ZMYM5: variants seen among roughly 807,000 people sequenced by gnomAD.
ZMYM5 encodes the protein zinc finger MYM-type containing 5, also known as zinc finger MYM-type protein 5.
In ZMYM5, 41 loss-of-function variants were observed where a neutral mutation model predicts 61.8. That is an observed-to-expected ratio of 0.66 (90% CI 0.52 to 0.86). The LOEUF (loss-of-function observed/expected upper bound fraction) is 0.86. Among genes scored for constraint, ZMYM5 ranks in the 40% least tolerant of loss-of-function variants. The pLI, the probability that ZMYM5 is intolerant of heterozygous loss-of-function variation, is 0.00. For missense variants in ZMYM5, 706 were observed against 786.7 expected (o/e 0.90, Z 1.23); for synonymous variants, 257 against 276.4 (o/e 0.93, Z 0.70).
At chr13:19,839,427 C>T (rs1813619273) in intron 4 of ZMYM5, among the ~76,000 whole-genome samples, 1 of 151,694 alleles carries the variant, frequency 6.6e-6, no homozygotes, top group African/African-American at 2.4e-5. Context: ...CTCGCTCTTT[C>T]TCCCAGACCG....
intron 4 of ZMYM5, among the ~76,000 whole-genome samples, chr13:19,840,673 C>A (rs1000600697): frequency 1.3e-5 from 2 of 151,590 alleles, no homozygotes; most frequent in African/African-American, 2.4e-5. Flanking sequence ...CACACCTGGC[C>A]ACTTTTTTTT....
At chr13:19,843,008 G>C (rs1187246704) in intron 4 of ZMYM5, among the ~76,000 whole-genome samples, 1 of 148,076 alleles carries the variant, frequency 6.8e-6, no homozygotes, top group Non-Finnish European at 1.5e-5. Context: ...TGGACATGGA[G>C]TTTCGCTATG....
chr13:19,829,317 C>T (rs1440179978), intron 7 of ZMYM5, among the ~76,000 whole-genome samples: 3 of 152,204 alleles, frequency 2.0e-5, no homozygotes, highest in Non-Finnish European at 4.4e-5. Context: ...GAGATAGTCT[C>T]GCTCTGTCAT....
chr13:19,861,890 T>G (rs1268944762), intron 2 of ZMYM5, among the ~76,000 whole-genome samples: 1 of 151,840 alleles, frequency 6.6e-6, no homozygotes, highest in East Asian at 1.9e-4. Flanking sequence ...AACATTAACT[T>G]CCTAACAGAG....
In ZMYM5 at chr13:19,824,409, T is replaced by C. The variant is rs1890805330; in HGVS notation, c.*68A>G. 1 of 1,233,214 alleles carries C rather than the reference T, an allele frequency of 8.1e-7. No individual in the cohort carries two copies. The highest frequency in any genetic ancestry group is 1.0e-6 in the Non-Finnish European group (1 of 964,658). The allele number at this position is 1,233,214 out of a possible 1,614,324, so 76.4% of individuals were successfully genotyped here. On this transcript the variant is annotated 3_prime_UTR_variant, in exon 8 of 8. Coordinates refer to ENST00000337963, the MANE Select transcript of ZMYM5 (RefSeq NM_001142684.2). ...ACTTACAACACAATAGTACTGACTA[T>C]TGCAGGACAGATGTTTTCTGAGTAA...
In ZMYM5 at chr13:19,838,844, G is replaced by C; in HGVS notation, c.728C>G (p.Thr243Ser). The part of the protein sequence containing the change: ...QQQLTKPAKI[T>S]CANCKKPLQK... ...TAAAGGCTTTTTGCAATTTGCACAAGTGATTTTAGCTGGTTTAGTAAGTTG... is the reference window on the plus strand; with the variant it reads ...TAAAGGCTTTTTGCAATTTGCACAACTGATTTTAGCTGGTTTAGTAAGTTG... The change falls in exon 5 of 8, where the codon ACT becomes AGT. Residue 243 changes from threonine (T) to serine (S), a missense_variant. Thr to Ser is a moderately conservative substitution (Grantham distance 58, BLOSUM62 1). Coordinates refer to ENST00000337963, the MANE Select transcript of ZMYM5 (RefSeq NM_001142684.2). The C allele has an allele frequency of 6.2e-7, 1 of 1,614,178 alleles. No homozygotes were observed. Among genetic ancestry groups the C allele is most frequent in the Non-Finnish European group, 8.5e-7 (1 of 1,180,048 alleles).
intron 7 of ZMYM5, among the ~76,000 whole-genome samples, chr13:19,833,698 A>T (rs980918338): frequency 6.6e-6 from 1 of 152,222 alleles, no homozygotes; most frequent in Non-Finnish European, 1.5e-5. Flanking sequence ...TGGTGGGCAA[A>T]GATTCCTTAA....
chr13:19,854,808 A>C (rs1745761540), intron 2 of ZMYM5, among the ~76,000 whole-genome samples: 1 of 152,140 alleles, frequency 6.6e-6, no homozygotes, highest in Non-Finnish European at 1.5e-5. Context: ...GCCAGGAGAT[A>C]AGTAACCTGC....
intron 1 of ZMYM5, 77 bp downstream of exon 1, chr13:19,863,373 C>T (rs1402165053): frequency 1.3e-5 from 2 of 152,182 alleles, no homozygotes; most frequent in Non-Finnish European, 2.9e-5. Context: ...CGACGGCGGC[C>T]GCGCCGCGGG....
chr13:19,832,392 T>A (rs1452294228), intron 7 of ZMYM5, among the ~76,000 whole-genome samples: 3 of 151,906 alleles, frequency 2.0e-5, no homozygotes, highest in African/African-American at 4.8e-5. Flanking sequence ...AGTGGCATGA[T>A]CTCGGCCCAC....
At chr13:19,835,752 G>A (rs1177467792) in intron 6 of ZMYM5, 63 bp from the exon 7 acceptor site, 1 of 1,184,016 alleles carries the variant, frequency 8.4e-7, no homozygotes, top group Non-Finnish European at 1.1e-6. Context: ...AGCAAGCAAT[G>A]AGATAACTAG....
chr13:19,850,120 C>T (rs10219966), intron 4 of ZMYM5, among the ~76,000 whole-genome samples: 14,942 of 152,090 alleles, frequency 0.098, 864 homozygotes, highest in African/African-American at 0.16. Flanking sequence ...CCAACTCTCC[C>T]CCAAACCCCT....
intron 7 of ZMYM5, among the ~76,000 whole-genome samples, chr13:19,826,528 G>T (rs549991574): frequency 1.3e-5 from 2 of 152,008 alleles, no homozygotes; most frequent in South Asian, 4.1e-4. Flanking sequence ...AGGCCGAGGT[G>T]GGGGGATCAC....
intron 2 of ZMYM5, among the ~76,000 whole-genome samples, chr13:19,854,489 G>C (rs182608465): frequency 1.8e-4 from 27 of 152,184 alleles, no homozygotes; most frequent in Non-Finnish European, 7.4e-5. Context: ...GTCAGTCGTG[G>C]TGGCAGGCGC....
intron 2 of ZMYM5, among the ~76,000 whole-genome samples, chr13:19,858,641 T>C (rs1953601244): frequency 6.7e-6 from 1 of 149,292 alleles, no homozygotes. Context: ...ACTAACTTCG[T>C]TCCCTTCCAA....
intron 2 of ZMYM5, among the ~76,000 whole-genome samples, chr13:19,861,714 GA>G (rs985790491): frequency 3.3e-5 from 5 of 149,826 alleles, no homozygotes; most frequent in Admixed American, 6.7e-5. Flanking sequence ...GCTTGTTAAA[GA>G]AAAAAAAATC....
At position 19,851,395 on chromosome 13, in the gene ZMYM5, G is replaced by C. The variant is rs1289154919; in HGVS notation, c.546C>G (p.Asp182Glu). 2 of 1,614,096 alleles carry C rather than the reference G, an allele frequency of 1.2e-6. No individual in the cohort carries two copies. Among genetic ancestry groups the C allele is most frequent in the East Asian group, 2.2e-5 (1 of 44,870 alleles). ...FNPGRMNVAG[D>E]LFQNGEFATH... ...TTGCAAATTCTCCATTCTGAAATAA[G>C]TCTCCTGCCACATTCATTCTACCAG... The change falls in exon 4 of 8, where the codon GAC becomes GAG. Residue 182 changes from aspartate (D) to glutamate (E), a missense_variant. Transcript: ENST00000337963.
At chr13:19,859,334 A>T (rs996617626) in intron 2 of ZMYM5, among the ~76,000 whole-genome samples, 2 of 152,170 alleles carry the variant, frequency 1.3e-5, no homozygotes, top group Non-Finnish European at 2.9e-5. Flanking sequence ...GATCACCCGC[A>T]AGCTTCAAGT....
At chr13:19,830,654 C>T (rs1255229571) in intron 7 of ZMYM5, among the ~76,000 whole-genome samples, 3 of 151,506 alleles carry the variant, frequency 2.0e-5, no homozygotes, top group Non-Finnish European at 4.4e-5. Context: ...CTGCCTCAGC[C>T]GCCCAAGCAG....
Sources: gnomAD v4.1 joint callset for allele counts (sites outside exome capture counted in the v4.1 genomes callset) on GRCh38, gnomAD v4.1.1 for gene constraint, MANE v1.5 for transcripts, NCBI Gene and HGNC (gene_info 2026-07-23, HGNC 2026-07-21) for gene names.